Variants in TACR3 observed in about 807,000 individuals in gnomAD.
TACR3 encodes neuromedin-K receptor.
In TACR3, 34 loss-of-function variants were observed where a neutral mutation model predicts 35.0. That is an observed-to-expected ratio of 0.97 (90% confidence interval 0.74 to 1.30). TACR3 has a LOEUF of 1.30. TACR3 is among the 50% of genes most tolerant of loss of function. The pLI is 0.00. For missense variants in TACR3, 558 were observed against 591.7 expected (o/e 0.94, Z 0.59); for synonymous variants, 233 against 221.1 (o/e 1.05, Z -0.48).
chr4:103,668,604 T>C (rs974425495), intron 1 of TACR3, among the ~76,000 whole-genome samples: 1 of 152,074 alleles, frequency 6.6e-6, no homozygotes, highest in Admixed American at 6.6e-5. Context: ...TCCCAGCATT[T>C]TGGGAGGCCG....
In TACR3 at chr4:103,599,471, G is replaced by T. The variant is rs547331775; in HGVS notation, c.889-7788C>A. Reference sequence around the variant, plus strand: ...TCCCTTCTCCTGTCTGATTGCCCTGGCCAGAACTTCCAACACTATGTTGAA... The same window carrying T: ...TCCCTTCTCCTGTCTGATTGCCCTGTCCAGAACTTCCAACACTATGTTGAA... On this transcript the variant is annotated intron_variant, in intron 3 of 4. Coordinates refer to ENST00000304883, the MANE Select transcript of TACR3 (RefSeq NM_001059.3). Among the ~76,000 whole-genome samples the T allele has an allele frequency of 3.0e-3, 452 of 152,210 alleles. 1 individual carries two copies. The highest frequency in any genetic ancestry group is 0.01 in the African/African-American group (422 of 41,528).
intron 3 of TACR3, among the ~76,000 whole-genome samples, chr4:103,655,212 G>C (rs1210963498): frequency 6.6e-6 from 1 of 152,106 alleles, no homozygotes; most frequent in Non-Finnish European, 1.5e-5. Context: ...TATTAAAATG[G>C]AATCCATTTT....
chr4:103,691,388 C>T (rs542243907), intron 1 of TACR3, among the ~76,000 whole-genome samples: 1 of 152,206 alleles, frequency 6.6e-6, no homozygotes, highest in African/African-American at 2.4e-5. Context: ...ATGACATTTT[C>T]CCAAAAAGAT....
At position 103,660,529 on chromosome 4, in the gene TACR3, AAC is replaced by A. The variant is rs143828536; in HGVS notation, c.549-2128_549-2127del. On this transcript the variant is annotated intron_variant, in intron 1 of 4. Transcript: ENST00000304883. ...GATAGATCCCATGTTAAGTGTTCTTAACACACACACACACACACAACAAATAC... is the reference window on the plus strand; with the variant it reads ...GATAGATCCCATGTTAAGTGTTCTTAACACACACACACACACAACAAATAC... 2.2e-3 allele frequency among the ~76,000 whole-genome samples: 338 copies of A among 150,442 alleles called. 1 individual carries two copies. The highest frequency in any genetic ancestry group is 3.6e-3 in the African/African-American group (146 of 41,108).
chr4:103,707,860 C>A (rs187121168), intron 1 of TACR3, among the ~76,000 whole-genome samples: 2 of 152,306 alleles, frequency 1.3e-5, no homozygotes, highest in East Asian at 1.9e-4. Flanking sequence ...TTATATCCTG[C>A]GCCTGGCTCA....
chr4:103,664,411 G>A lies in TACR3; in HGVS notation c.549-6008C>T, dbSNP rs141237351. 6.6e-5 allele frequency among the ~76,000 whole-genome samples: 10 copies of A among 152,184 alleles called. No homozygotes were observed. In the East Asian group the frequency reaches 1.9e-3, roughly 29 times the overall value. On this transcript the variant is annotated intron_variant, in intron 1 of 4. Coordinates refer to ENST00000304883, the MANE Select transcript of TACR3 (RefSeq NM_001059.3). ...TTGGCATTTTTATTAAGTTGTTTCT[G>A]GATTTTTATGAGCTTTTACATATCT...
At chr4:103,692,934 G>A (rs1002229686) in intron 1 of TACR3, among the ~76,000 whole-genome samples, 2 of 152,152 alleles carry the variant, frequency 1.3e-5, no homozygotes. Context: ...AAATGCAACA[G>A]TGGATTACTC....
At chr4:103,673,489 T>C (rs1363232778) in intron 1 of TACR3, among the ~76,000 whole-genome samples, 4 of 152,114 alleles carry the variant, frequency 2.6e-5, no homozygotes, top group Middle Eastern at 3.2e-3. Context: ...TCAGAACATA[T>C]ACATTTGCTG....
Position 103,719,545 on chromosome 4 carries a change from A to G in TACR3, c.131T>C (p.Leu44Pro). 6.2e-7 allele frequency: 1 copy of G among 1,608,178 alleles called. No individual in the cohort carries two copies. The highest frequency in any genetic ancestry group is 8.5e-7 in the Non-Finnish European group (1 of 1,175,648). The change falls in exon 1 of 5, where the codon CTG (leucine) becomes CCG (proline). Residue 44 changes from leucine (L) to proline (P), a missense_variant. By Grantham distance (98) the Leu-to-Pro change is moderately conservative. Transcript: ENST00000304883. ...TGAVETGWLQ[L>P]LDQAGNLSSS... ...GGAGAGGTTGCCAGCTTGGTCCAGC[A>G]GTTGCAGCCACCCAGTCTCAACTGC...
chr4:103,602,914 G>A (rs567219318), intron 3 of TACR3, among the ~76,000 whole-genome samples: 8 of 152,228 alleles, frequency 5.3e-5, no homozygotes, highest in Non-Finnish European at 1.2e-4. Flanking sequence ...TCTCTTCAAA[G>A]CTGTCAGAGA....
chr4:103,675,802 A>G, intron 1 of TACR3, among the ~76,000 whole-genome samples: 1 of 152,120 alleles, frequency 6.6e-6, no homozygotes, highest in Admixed American at 6.6e-5. Context: ...AGAAAAGGCC[A>G]AAGAGCAAGG....
chr4:103,618,707 T>G, intron 3 of TACR3, among the ~76,000 whole-genome samples: 1 of 97,102 alleles, frequency 1.0e-5, no homozygotes, highest in African/African-American at 5.6e-5. Flanking sequence ...TTTTACGATA[T>G]TGAATTCCTC....
chr4:103,689,545 C>T (rs183233105), intron 1 of TACR3, among the ~76,000 whole-genome samples: 2 of 151,802 alleles, frequency 1.3e-5, no homozygotes, highest in South Asian at 4.2e-4. Context: ...ACAACAACAA[C>T]AACAACAATA....
chr4:103,690,366 A>C (rs374298292), intron 1 of TACR3, among the ~76,000 whole-genome samples: 61 of 152,286 alleles, frequency 4.0e-4, no homozygotes, highest in African/African-American at 1.4e-3. Flanking sequence ...AAGTGGCAAC[A>C]TTAATATTAG....
intron 2 of TACR3, 31 bp downstream of exon 2, chr4:103,658,184 A>C (rs778863207): frequency 7.0e-5 from 112 of 1,605,666 alleles, no homozygotes; most frequent in Non-Finnish European, 9.5e-5. Flanking sequence ...TGATAAACTG[A>C]ATTGAAAACC....
At chr4:103,699,803 G>T (rs1211882738) in intron 1 of TACR3, among the ~76,000 whole-genome samples, 1 of 152,130 alleles carries the variant, frequency 6.6e-6, no homozygotes, top group Non-Finnish European at 1.5e-5. Flanking sequence ...ATGGCAGTAG[G>T]AGTACGTTTT....
intron 3 of TACR3, among the ~76,000 whole-genome samples, chr4:103,637,081 CATTTT>C (rs1369976298): frequency 6.6e-6 from 1 of 152,168 alleles, no homozygotes; most frequent in Non-Finnish European, 1.5e-5. Flanking sequence ...CTCCCTAACT[CATTTT>C]ATGAGTCCAG....
At chr4:103,630,628 G>A (rs1725035887) in intron 3 of TACR3, among the ~76,000 whole-genome samples, 1 of 152,118 alleles carries the variant, frequency 6.6e-6, no homozygotes, top group South Asian at 2.1e-4. Context: ...CAACCACAAT[G>A]AGATACCATC....
At chr4:103,685,341 A>C (rs2110212799) in intron 1 of TACR3, among the ~76,000 whole-genome samples, 1 of 152,314 alleles carries the variant, frequency 6.6e-6, no homozygotes, top group South Asian at 2.1e-4. Context: ...AGTTCAAGCT[A>C]AGACTTAAAA....
Sources: gnomAD v4.1 joint callset for allele counts (sites outside exome capture counted in the v4.1 genomes callset) on GRCh38, gnomAD v4.1.1 for gene constraint, MANE v1.5 for transcripts, NCBI Gene and HGNC (gene_info 2026-07-23, HGNC 2026-07-21) for gene names.